The following CCNH variants were observed in gnomAD, a reference collection of about 807,000 sequenced individuals.
CCNH encodes cyclin H.
Under a neutral mutation model 41.9 loss-of-function variants are expected in CCNH, and 31 were observed. That is an observed-to-expected ratio of 0.74 (90% CI 0.56 to 1.00). The LOEUF is 1.00. Ranked by LOEUF, CCNH falls within the 50% of genes least tolerant of loss-of-function variation. The pLI, the probability that CCNH is intolerant of heterozygous loss-of-function variation, is 0.00. For missense variants in CCNH, 362 were observed against 388.4 expected (o/e 0.93, Z 0.57); for synonymous variants, 138 against 136.1 (o/e 1.01, Z -0.10).
At chr5:87,357,111 C>T (rs1759707911) in intron 9 of CCNH, among the ~76,000 whole-genome samples, 1 of 152,152 alleles carries the variant, frequency 6.6e-6, no homozygotes, top group African/African-American at 2.4e-5. Context: ...CAGTCTTCCT[C>T]TCTGCCTATC....
intron 9 of CCNH, among the ~76,000 whole-genome samples, chr5:87,383,186 CA>C (rs987011114): frequency 6.6e-6 from 1 of 152,100 alleles, no homozygotes; most frequent in Non-Finnish European, 1.5e-5. Flanking sequence ...TTCTCTAGTG[CA>C]ATGGATTCTT....
At chr5:87,358,372 C>T (rs915952605) in intron 9 of CCNH, among the ~76,000 whole-genome samples, 1 of 152,198 alleles carries the variant, frequency 6.6e-6, no homozygotes, top group African/African-American at 2.4e-5. Context: ...CAAGGTGACA[C>T]TACAATGATG....
At chr5:87,391,614 ATAT>A (rs374889193), downstream of CCNH, 2,017 of 234,720 alleles carry the variant, frequency 8.6e-3, 31 homozygotes, top group African/African-American at 0.04. Context: ...AATTCAGTAA[ATAT>A]TATTGGTTGT....
downstream of CCNH, among the ~76,000 whole-genome samples, chr5:87,373,331 A>G (rs976358994): frequency 2.0e-5 from 3 of 152,074 alleles, no homozygotes; most frequent in African/African-American, 7.2e-5. Flanking sequence ...TAATCTAGAG[A>G]TGATTTACGG....
intron 7 of CCNH, among the ~76,000 whole-genome samples, chr5:87,397,463 G>T (rs1387425665): frequency 6.6e-6 from 1 of 152,070 alleles, no homozygotes; most frequent in Non-Finnish European, 1.5e-5. Context: ...CCCGGCCCTA[G>T]AAATTTTTAA....
chr5:87,400,295 T>C (rs1375643793), intron 6 of CCNH, among the ~76,000 whole-genome samples: 1 of 152,244 alleles, frequency 6.6e-6, no homozygotes, highest in Non-Finnish European at 1.5e-5. Context: ...ACAGTATCTA[T>C]GTTCCAAAAA....
chr5:87,389,693 C>T (rs1016449478), downstream of CCNH, among the ~76,000 whole-genome samples: 1 of 152,154 alleles, frequency 6.6e-6, no homozygotes, highest in Admixed American at 6.6e-5. Context: ...CGGGCCCCGA[C>T]TAAAATGATG....
intron 9 of CCNH, among the ~76,000 whole-genome samples, chr5:87,343,736 A>G (rs911953858): frequency 2.6e-5 from 4 of 152,204 alleles, no homozygotes; most frequent in African/African-American, 9.6e-5. Context: ...TCCAAAAGAA[A>G]GGAAATCAGT....
At chr5:87,392,867 T>TAA (rs1013041219), downstream of CCNH, 10 of 153,954 alleles carry the variant, frequency 6.5e-5, no homozygotes, top group African/African-American at 2.4e-4. Context: ...TTTTCAGTGA[T>TAA]AAGTGTGGAC....
chr5:87,385,168 A>G (rs1344101306), intron 9 of CCNH: 2 of 692,352 alleles, frequency 2.9e-6, no homozygotes, highest in Admixed American at 5.0e-5. Flanking sequence ...TTTTCCAAAA[A>G]CATTCTGAGT....
intron 9 of CCNH, chr5:87,331,041 T>C (rs1757562887): frequency 1.6e-6 from 2 of 1,277,886 alleles, no homozygotes; most frequent in Non-Finnish European, 2.1e-6. Flanking sequence ...AAAGATCTGG[T>C]TGCAGTAGTG....
At chr5:87,349,510 C>A in intron 9 of CCNH, 1 of 943,410 alleles carries the variant, frequency 1.1e-6, no homozygotes, top group Non-Finnish European at 1.6e-6. Context: ...GTAGTCATGC[C>A]CAAGAATTCT....
chr5:87,380,298 A>C (rs138298899), upstream of CCNH, among the ~76,000 whole-genome samples: 1 of 152,254 alleles, frequency 6.6e-6, no homozygotes. Context: ...AAATGTCAGG[A>C]AGTTGACTGA....
At chr5:87,367,561 T>C (rs1760615895) in intron 9 of CCNH, among the ~76,000 whole-genome samples, 1 of 152,190 alleles carries the variant, frequency 6.6e-6, no homozygotes, top group Admixed American at 6.5e-5. Context: ...TTTTCAATAT[T>C]AAGAGATCTC....
chr5:87,380,886 A>G (rs1015838867), upstream of CCNH, among the ~76,000 whole-genome samples: 1 of 152,230 alleles, frequency 6.6e-6, no homozygotes, highest in Non-Finnish European at 1.5e-5. Context: ...AGCTAACTTC[A>G]TATAGTATTC....
At chr5:87,386,864 C>T, downstream of CCNH, 5 of 1,612,782 alleles carry the variant, frequency 3.1e-6, no homozygotes, top group Non-Finnish European at 3.4e-6. Context: ...TCATCAAAAG[C>T]AACAAACATC....
At chr5:87,401,259 T>A (rs3093819) in intron 6 of CCNH, among the ~76,000 whole-genome samples, 66,720 of 152,138 alleles carry the variant, frequency 0.44, 14,658 homozygotes, top group Middle Eastern at 0.53. Flanking sequence ...GCATCTTTAA[T>A]TCTTTCTCTG....
chr5:87,354,028 C>A (rs1759472387), intron 9 of CCNH, among the ~76,000 whole-genome samples: 1 of 151,974 alleles, frequency 6.6e-6, no homozygotes, highest in South Asian at 2.1e-4. Context: ...GTTTTGGGTA[C>A]CCAGCTGCAA....
At chr5:87,409,760 CA>C (rs1249556170) in intron 2 of CCNH, among the ~76,000 whole-genome samples, 1 of 151,718 alleles carries the variant, frequency 6.6e-6, no homozygotes, top group African/African-American at 2.4e-5. Context: ...AAAATACTGA[CA>C]AAAAAACATG....
Sources: gnomAD v4.1 joint callset for allele counts (sites outside exome capture counted in the v4.1 genomes callset) on GRCh38, gnomAD v4.1.1 for gene constraint, MANE v1.5 for transcripts, NCBI Gene and HGNC (gene_info 2026-07-23, HGNC 2026-07-21) for gene names.